Variants in USP6 observed in about 807,000 individuals in gnomAD.
USP6 encodes ubiquitin specific peptidase 6.
Under a neutral mutation model 175.7 loss-of-function variants are expected in USP6, and 128 were observed. The observed-to-expected ratio is 0.73, with a 90% CI of 0.63 to 0.84. The LOEUF (loss-of-function observed/expected upper bound fraction) is 0.84, where lower values mean the gene tolerates loss of function less well. Ranked by LOEUF, USP6 falls within the 40% of genes least tolerant of loss-of-function variation. The probability of loss-of-function intolerance (pLI) is 0.00; values close to 1 mark genes in which losing one functional copy is unlikely to be tolerated. For missense variants in USP6, 1,498 were observed against 1,760.3 expected (o/e 0.85, Z 2.67); for synonymous variants, 562 against 630.6 (o/e 0.89, Z 1.63).
In USP6 at chr17:5,170,844, G is replaced by C. The variant is rs1252547715; in HGVS notation, c.3883G>C (p.Glu1295Gln). The change falls in exon 36 of 38, where the codon GAA (glutamate) becomes CAA (glutamine). Residue 1295 changes from glutamate to glutamine, a missense_variant. Glu to Gln is a conservative substitution (Grantham distance 29). Transcript: ENST00000574788. The stretch of plus-strand genomic sequence containing the variant: ...CAATGGTCAGCTTGGAAACCACAGT[G>C]AAGAAGACAGCACTGATGACCAAAG... ...YSNGQLGNHS[E>Q]EDSTDDQRED... 3.7e-6 allele frequency: 6 copies of C among 1,612,848 alleles called. No homozygotes were observed. The highest frequency in any genetic ancestry group is 5.1e-6 in the Non-Finnish European group (6 of 1,179,872).
chr17:5,139,513 G>A lies in USP6; in HGVS notation c.1337G>A (p.Trp446Ter), dbSNP rs749241273. The change falls in exon 22 of 38, where the codon TGG (tryptophan) becomes TAG (stop). Residue 446 changes from tryptophan to a stop codon, truncating the protein, a stop_gained. Transcript: ENST00000574788. LOFTEE classifies it high-confidence loss of function. ...ALAQGGPQGS[W>*]RFLEWKSMPR... ...GCTCAGGGAGGACCTCAGGGTTCCTGGAGATTCCTGGAGTGGAAGTCAATG... is the reference window on the plus strand; with the variant it reads ...GCTCAGGGAGGACCTCAGGGTTCCTAGAGATTCCTGGAGTGGAAGTCAATG... The A allele has an allele frequency of 6.2e-6, 10 of 1,613,592 alleles. No individual in the cohort carries two copies. The Admixed American group carries it at 1.7e-4, about 27-fold the overall frequency.
At chr17:5,137,485 C>G (rs1176209828) in intron 19 of USP6, among the ~76,000 whole-genome samples, 166 bp from the exon 20 acceptor site, 8 of 152,224 alleles carry the variant, frequency 5.3e-5, no homozygotes, top group African/African-American at 1.9e-4. Flanking sequence ...GAGTACCCCC[C>G]CATGAGAAGT....
chr17:5,173,598 T>C lies in USP6; in HGVS notation c.*620T>C, dbSNP rs1048419073. ...CAACCAGTCATTGGTGGCAGGGGCA[T>C]AGAGTGGTCAGTCTGAAAGGGAGGC... is the stretch of plus-strand genomic sequence containing the variant. On this transcript the variant is annotated 3_prime_UTR_variant, in exon 38 of 38. Coordinates refer to ENST00000574788, the MANE Select transcript of USP6 (RefSeq NM_001304284.2). 7 of 219,080 alleles carry C rather than the reference T, an allele frequency of 3.2e-5. No individual in the cohort carries two copies. Among genetic ancestry groups the C allele is most frequent in the African/African-American group, 4.5e-5 (2 of 44,526 alleles). 13.6% of individuals were successfully genotyped at this position (219,080 alleles called of 1,614,324 possible).
At position 5,116,192 on chromosome 17, in the gene USP6, AG is replaced by A. The variant is rs1390365976; in HGVS notation, c.-2472del. On this transcript the variant is annotated 5_prime_UTR_variant, in exon 1 of 38. It introduces an in-frame stop codon into an upstream open reading frame of the 5' UTR. Transcript: ENST00000574788. ...GTCCCCGCTCCAACTAGCAGTCAGGAGGGGCCGCGGGCAGCGCTCGAGACGC... is the reference window on the plus strand; with the variant it reads ...GTCCCCGCTCCAACTAGCAGTCAGGAGGGCCGCGGGCAGCGCTCGAGACGC... 2.8e-5 allele frequency among the ~76,000 whole-genome samples: 4 copies of A among 143,680 alleles called. No individual in the cohort carries two copies. The highest frequency in any genetic ancestry group is 6.4e-5 in the Non-Finnish European group (4 of 62,436). 94.3% of individuals were successfully genotyped at this position (143,680 alleles called of 152,430 possible).
At chr17:5,139,122 G>A (rs370854981) in intron 21 of USP6, 133 bp from the exon 22 acceptor site, 50 of 1,597,190 alleles carry the variant, frequency 3.1e-5, no homozygotes, top group Middle Eastern at 1.7e-4. Flanking sequence ...GACTACAGGC[G>A]TGTCGTCAGT....
At chr17:5,130,332 G>A (rs778420711) in intron 9 of USP6, 35 bp from the exon 10 acceptor site, 7 of 1,610,638 alleles carry the variant, frequency 4.3e-6, no homozygotes, top group African/African-American at 1.3e-5. Flanking sequence ...AAGCTGTCGG[G>A]TACAGTGTAA....
chr17:5,123,254 C>CACGCTCCTGGGG (rs2072760696), intron 4 of USP6: 1 of 153,460 alleles, frequency 6.5e-6, no homozygotes, highest in African/African-American at 2.4e-5. Flanking sequence ...ACGTCGGTGG[C>CACGCTCCTGGGG]CACATGCTCC....
In USP6 at chr17:5,146,042, T is replaced by C. The variant is rs139071617; in HGVS notation, c.2187T>C (p.Thr729=). The change falls in exon 28 of 38, where the codon ACT becomes ACC. Residue 729 remains threonine (T), a synonymous_variant. Coordinates refer to ENST00000574788, the MANE Select transcript of USP6 (RefSeq NM_001304284.2). ...TACTAGTGATTAAGTTAGATGGTAC[T>C]ACCCCTGTACGGTATGGACTAAGAC... ...LEITVIKLDG[T]TPVRYGLRLN... 142 of 1,601,640 alleles carry C rather than the reference T, an allele frequency of 8.9e-5. No individual in the cohort carries two copies. Among genetic ancestry groups the C allele is most frequent in the Non-Finnish European group, 1.2e-4 (138 of 1,174,626 alleles).
rs2143825637 is a variant in USP6, at chr17:5,130,662, A to G, written c.133A>G (p.Ile45Val). 1.9e-6 allele frequency: 3 copies of G among 1,613,996 alleles called. No homozygotes were observed. Among genetic ancestry groups the G allele is most frequent in the Non-Finnish European group, 2.5e-6 (3 of 1,179,862 alleles). The change falls in exon 11 of 38, where the codon ATT (isoleucine) becomes GTT (valine). Residue 45 changes from isoleucine to valine, a missense_variant. Physicochemically the swap from Ile to Val is conservative, Grantham distance 29. Around this residue, in one of 2 missense-constraint regions of USP6, gnomAD observed 281 missense variants for 259.6 expected, o/e 1.08. Coordinates refer to ENST00000574788, the MANE Select transcript of USP6 (RefSeq NM_001304284.2). ...TGAGCCCGTTGGAATCAACAGCAGC[A>G]TTGATCGTTTTGGCATTTTGCAGTG... ...GPEPVGINSSIDRFGILHETE... is the reference protein window; with the variant it reads ...GPEPVGINSSVDRFGILHETE...
rs576451826 is a variant in USP6, at chr17:5,173,609, G to T, written c.*631G>T. The T allele has an allele frequency of 4.7e-4, 103 of 219,738 alleles. No individual in the cohort carries two copies. Among genetic ancestry groups the T allele is most frequent in the African/African-American group, 2.2e-3 (100 of 44,700 alleles). The allele number at this position is 219,738 out of a possible 1,614,324, so 13.6% of individuals were successfully genotyped here. On this transcript the variant is annotated 3_prime_UTR_variant, in exon 38 of 38. Coordinates refer to ENST00000574788, the MANE Select transcript of USP6 (RefSeq NM_001304284.2). The stretch of plus-strand genomic sequence containing the variant: ...TGGTGGCAGGGGCATAGAGTGGTCA[G>T]TCTGAAAGGGAGGCTCTCTTAAGAG...
chr17:5,120,727 A>C lies in USP6; in HGVS notation c.-1736A>C. The C allele has an allele frequency of 6.9e-6, 3 of 434,276 alleles. No homozygotes were observed. Among genetic ancestry groups the C allele is most frequent in the Non-Finnish European group, 1.4e-5 (3 of 216,696 alleles). 26.9% of individuals were successfully genotyped at this position (434,276 alleles called of 1,614,324 possible). On this transcript the variant is annotated 5_prime_UTR_variant, in exon 3 of 38. Transcript: ENST00000574788. ...AGCTGGATCCTGAATGAGATGCATG[A>C]CCAGGACAAGAAATTGGTGGAGAAG... is the stretch of plus-strand genomic sequence containing the variant.
intron 2 of USP6, among the ~76,000 whole-genome samples, chr17:5,119,769 T>C (rs1271991278): frequency 6.6e-6 from 1 of 152,174 alleles, no homozygotes; most frequent in Non-Finnish European, 1.5e-5. Context: ...TGCCCAGCAC[T>C]ACAAGTGACT....
intron 32 of USP6, among the ~76,000 whole-genome samples, chr17:5,162,597 A>G (rs1307567974): frequency 5.3e-5 from 8 of 152,356 alleles, no homozygotes; most frequent in Middle Eastern, 3.4e-3. Flanking sequence ...GCCAATTCCC[A>G]TGTCATTTAT....
intron 30 of USP6, among the ~76,000 whole-genome samples, chr17:5,149,614 C>G (rs2073708124): frequency 6.6e-6 from 1 of 152,020 alleles, no homozygotes; most frequent in South Asian, 2.1e-4. Flanking sequence ...ATTTATGTTT[C>G]CTGTGTGTTT....
rs1421433465 is a variant in USP6 at position 5,120,624 on chromosome 17, C to T, written c.-1836-3C>T. 3.5e-5 allele frequency: 13 copies of T among 374,912 alleles called. No individual in the cohort carries two copies. Among genetic ancestry groups the T allele is most frequent in the Non-Finnish European group, 6.7e-5 (13 of 193,130 alleles). 23.2% of individuals were successfully genotyped at this position (374,912 alleles called of 1,614,324 possible). ...GTGAGCTCCTGCTGTCCTCTCTGCC[C>T]AGGAAATGAAGGCCCTTTGAGGTCA... On this transcript the variant is annotated splice_polypyrimidine_tract_variant and splice_region_variant and intron_variant, in intron 2 of 37. Transcript: ENST00000574788.
Position 5,129,974 on chromosome 17 carries a change from G to A in USP6, c.-117G>A, listed in dbSNP as rs2073009024. Reference sequence around the variant, plus strand: ...TCTGTGGCCCTGAACATCCCAGGAGGCCGATCGTACAGAGACCTCTGGTGC... The same window carrying A: ...TCTGTGGCCCTGAACATCCCAGGAGACCGATCGTACAGAGACCTCTGGTGC... On this transcript the variant is annotated 5_prime_UTR_variant, in exon 9 of 38. Coordinates refer to ENST00000574788, the MANE Select transcript of USP6 (RefSeq NM_001304284.2). 4.0e-6 allele frequency: 1 copy of A among 250,248 alleles called. No homozygotes were observed. The highest frequency in any genetic ancestry group is 5.7e-5 in the South Asian group (1 of 17,492). The allele number at this position is 250,248 out of a possible 1,614,324, so 15.5% of individuals were successfully genotyped here. A position where few individuals can be genotyped will look rare whatever the true frequency, so the allele number is the denominator to read the frequency against.
rs1255569847 is a variant in USP6, at chr17:5,130,689, G to A, written c.155+5G>A. 1 of 1,613,924 alleles carries A rather than the reference G, an allele frequency of 6.2e-7. No homozygotes were observed. Among genetic ancestry groups the A allele is most frequent in the South Asian group, 1.1e-5 (1 of 91,074 alleles). ...TGATCGTTTTGGCATTTTGCAGTGAGTCATCCTCTATGCTCCCCTCACCCC... is the reference window on the plus strand; with the variant it reads ...TGATCGTTTTGGCATTTTGCAGTGAATCATCCTCTATGCTCCCCTCACCCC... On this transcript the variant is annotated splice_donor_5th_base_variant and intron_variant, in intron 11 of 37. Coordinates refer to ENST00000574788, the MANE Select transcript of USP6 (RefSeq NM_001304284.2).
At chr17:5,158,546 G>C (rs995567564) in intron 31 of USP6, among the ~76,000 whole-genome samples, 4 of 149,066 alleles carry the variant, frequency 2.7e-5, no homozygotes, top group African/African-American at 9.9e-5. Context: ...CAGCCTGGGT[G>C]ACAGAGCAAG....
chr17:5,133,651 A>C, intron 14 of USP6, 101 bp downstream of exon 14: 4 of 1,068,420 alleles, frequency 3.7e-6, no homozygotes, highest in Non-Finnish European at 5.6e-6. Context: ...GGGGGGTGGG[A>C]GGGGATGGTT....
Sources: allele counts gnomAD v4.1 joint callset (sites outside exome capture counted in the v4.1 genomes callset), GRCh38; gene constraint gnomAD v4.1.1; regional missense constraint gnomAD v4.1.1; transcripts MANE v1.5; gene names NCBI Gene and HGNC (gene_info 2026-07-23, HGNC 2026-07-21).